COP1: variants seen among roughly 807,000 people sequenced by gnomAD.
The protein encoded by COP1 is E3 ubiquitin-protein ligase COP1.
A neutral mutation model predicts 101.3 loss-of-function variants in COP1; 24 were observed. That is an observed-to-expected ratio of 0.24 (90% confidence interval 0.17 to 0.33). The LOEUF is 0.33. COP1 is among the 10% of genes least tolerant of loss of function. The pLI is 1.00. For missense variants in COP1, 663 were observed against 906.2 expected (o/e 0.73, Z 3.45); for synonymous variants, 347 against 341.9 (o/e 1.01, Z -0.17).
intron 15 of COP1, among the ~76,000 whole-genome samples, chr1:176,008,587 C>T (rs1319439417): frequency 6.6e-6 from 1 of 152,034 alleles, no homozygotes; most frequent in Non-Finnish European, 1.5e-5. Context: ...AATATATAAG[C>T]CCTATAGCTA....
intron 1 of COP1, among the ~76,000 whole-genome samples, chr1:176,185,388 T>C (rs920277336): frequency 6.6e-6 from 1 of 152,218 alleles, no homozygotes; most frequent in Non-Finnish European, 1.5e-5. Context: ...CCACTTGTCC[T>C]ACACTACTTT....
At chr1:175,955,619 A>C (rs1650527526) in intron 18 of COP1, among the ~76,000 whole-genome samples, 1 of 152,190 alleles carries the variant, frequency 6.6e-6, no homozygotes, top group Non-Finnish European at 1.5e-5. Context: ...TAGAATAAAT[A>C]AATTGTCTTC....
At chr1:176,071,500 A>C (rs1367796653) in intron 11 of COP1, among the ~76,000 whole-genome samples, 1 of 152,186 alleles carries the variant, frequency 6.6e-6, no homozygotes, top group Non-Finnish European at 1.5e-5. Context: ...CTCAGCACTT[A>C]AACTGTTTGA....
At chr1:175,992,397 G>A (rs1475481537) in intron 15 of COP1, among the ~76,000 whole-genome samples, 1 of 152,222 alleles carries the variant, frequency 6.6e-6, no homozygotes, top group Non-Finnish European at 1.5e-5. Flanking sequence ...AGTGGGTGCA[G>A]GAGAGTGGGT....
At chr1:176,134,959 T>C (rs374424197) in intron 8 of COP1, 51 bp downstream of exon 8, 6 of 1,349,624 alleles carry the variant, frequency 4.4e-6, no homozygotes, top group African/African-American at 1.4e-5. Flanking sequence ...CTAGACCATA[T>C]GCATACTTTG....
intron 9 of COP1, among the ~76,000 whole-genome samples, chr1:176,106,026 T>TTTTTG (rs1401897775): frequency 2.0e-5 from 3 of 150,942 alleles, no homozygotes; most frequent in South Asian, 2.1e-4. Flanking sequence ...TTTGTTTTGT[T>TTTTTG]TTTTGTTTTG....
intron 6 of COP1, among the ~76,000 whole-genome samples, chr1:176,138,177 G>T (rs971607352): frequency 6.6e-6 from 1 of 152,078 alleles, no homozygotes; most frequent in Non-Finnish European, 1.5e-5. Context: ...TAACATATGC[G>T]AAGGTACAAA....
At chr1:176,038,064 T>A (rs114090236) in intron 14 of COP1, among the ~76,000 whole-genome samples, 98 of 152,348 alleles carry the variant, frequency 6.4e-4, no homozygotes, top group African/African-American at 2.3e-3. Flanking sequence ...AAAAGTAATC[T>A]ATACCTACAG....
chr1:176,015,623 G>T (rs1376317365), intron 15 of COP1, among the ~76,000 whole-genome samples: 1 of 152,178 alleles, frequency 6.6e-6, no homozygotes, highest in African/African-American at 2.4e-5. Context: ...AAGTTAAGCT[G>T]CCTGGTTACA....
At chr1:176,199,329 A>T (rs376076416) in intron 1 of COP1, among the ~76,000 whole-genome samples, 2 of 152,258 alleles carry the variant, frequency 1.3e-5, no homozygotes, top group East Asian at 3.9e-4. Flanking sequence ...AAAAAAGATA[A>T]AAAAGAAATG....
chr1:176,165,395 T>G (rs6700292), intron 3 of COP1, among the ~76,000 whole-genome samples: 46,820 of 142,586 alleles, frequency 0.33, 7,658 homozygotes, highest in Non-Finnish European at 0.37. Flanking sequence ...TGTGTGTGTG[T>G]GTGTGTGTGT....
chr1:176,064,412 G>C (rs1443370562), intron 11 of COP1, among the ~76,000 whole-genome samples: 1 of 151,948 alleles, frequency 6.6e-6, no homozygotes, highest in Non-Finnish European at 1.5e-5. Context: ...GTAAATTCTG[G>C]AACCAACTTT....
chr1:175,979,664 G>A (rs1203311019), intron 18 of COP1, among the ~76,000 whole-genome samples: 1 of 151,990 alleles, frequency 6.6e-6, no homozygotes. Context: ...GACAAAATGG[G>A]CTGGAGATTA....
rs1273049311 is a variant in COP1, at chr1:176,162,083, A to G, written c.762+786T>C. 2.6e-5 allele frequency among the ~76,000 whole-genome samples: 4 copies of G among 152,270 alleles called. No homozygotes were observed. The East Asian group carries it at 5.8e-4, about 22-fold the overall frequency. On this transcript the variant is annotated intron_variant, in intron 5 of 19. Coordinates refer to ENST00000367669, the MANE Select transcript of COP1 (RefSeq NM_022457.7). ...TCAGAGCTGTCCCAATCAAACAGGCATAAGGGGCACAAAAGAAAGACTCTC... is the reference window on the plus strand; with the variant it reads ...TCAGAGCTGTCCCAATCAAACAGGCGTAAGGGGCACAAAAGAAAGACTCTC...
chr1:175,973,254 A>G (rs1653721877), intron 18 of COP1, among the ~76,000 whole-genome samples: 1 of 152,244 alleles, frequency 6.6e-6, no homozygotes, highest in Admixed American at 6.5e-5. Context: ...TTAGTAAAAG[A>G]GTTAACTTTG....
chr1:175,991,965 T>C (rs1010082091), intron 15 of COP1, among the ~76,000 whole-genome samples: 3 of 152,210 alleles, frequency 2.0e-5, no homozygotes, highest in Non-Finnish European at 4.4e-5. Flanking sequence ...GTGTAAGAAG[T>C]ACAGTCTATA....
intron 1 of COP1, among the ~76,000 whole-genome samples, chr1:176,197,662 T>C (rs1321057175): frequency 6.6e-6 from 1 of 152,146 alleles, no homozygotes; most frequent in African/African-American, 2.4e-5. Flanking sequence ...TTTAAACAAT[T>C]ACCCAATCAA....
intron 11 of COP1, among the ~76,000 whole-genome samples, chr1:176,056,474 C>T (rs1368179498): frequency 2.0e-5 from 3 of 152,154 alleles, no homozygotes; most frequent in Middle Eastern, 3.4e-3. Context: ...TAGACTTAAA[C>T]TTCAGTGCAG....
At chr1:175,973,162 C>G (rs1429383416) in intron 18 of COP1, among the ~76,000 whole-genome samples, 1 of 152,124 alleles carries the variant, frequency 6.6e-6, no homozygotes, top group Non-Finnish European at 1.5e-5. Context: ...TTTTACAAGT[C>G]TAATTTTTAG....
Sources: allele counts gnomAD v4.1 joint callset (sites outside exome capture counted in the v4.1 genomes callset), GRCh38; gene constraint gnomAD v4.1.1; transcripts MANE v1.5; gene names NCBI Gene and HGNC (gene_info 2026-07-23, HGNC 2026-07-21).